The following PARD3B variants were observed in gnomAD, a reference collection of about 807,000 sequenced individuals.
PARD3B encodes the protein par-3 family cell polarity regulator beta.
Under a neutral mutation model 130.2 loss-of-function variants are expected in PARD3B, and 103 were observed. The observed-to-expected ratio is 0.79, with a 90% CI of 0.67 to 0.93. The LOEUF is 0.93. Ranked by LOEUF, PARD3B falls within the 40% of genes least tolerant of loss-of-function variation. PARD3B has a pLI of 0.00. For missense variants in PARD3B, 1,609 were observed against 1,499.2 expected (o/e 1.07, Z -1.21); for synonymous variants, 583 against 553.2 (o/e 1.05, Z -0.76).
intron 15 of PARD3B, among the ~76,000 whole-genome samples, chr2:205,211,402 T>A (rs112943655): frequency 1.3e-5 from 2 of 152,234 alleles, no homozygotes; most frequent in African/African-American, 4.8e-5. Context: ...GCACTGTCTA[T>A]GCCAGGTAAT....
intron 18 of PARD3B, among the ~76,000 whole-genome samples, chr2:205,336,459 T>C (rs933225274): frequency 7.2e-5 from 11 of 152,354 alleles, no homozygotes; most frequent in African/African-American, 2.6e-4. Flanking sequence ...TCCTCTTTCC[T>C]TCTCTTCATT....
chr2:205,250,160 C>G (rs1277105399), intron 16 of PARD3B, among the ~76,000 whole-genome samples: 2 of 151,648 alleles, frequency 1.3e-5, no homozygotes, highest in East Asian at 3.9e-4. Context: ...AATGACACTT[C>G]AACCAATAGT....
chr2:204,563,621 T>C (rs1051095751), intron 1 of PARD3B, among the ~76,000 whole-genome samples: 10 of 152,224 alleles, frequency 6.6e-5, no homozygotes, highest in African/African-American at 2.4e-4. Flanking sequence ...TTATTGAGAA[T>C]TGAAGGTTAT....
At chr2:205,150,040 G>A (rs150693750) in intron 10 of PARD3B, among the ~76,000 whole-genome samples, 74 of 152,318 alleles carry the variant, frequency 4.9e-4, no homozygotes, top group Non-Finnish European at 8.7e-4. Context: ...CCCTGGGCAG[G>A]TGCTGGGCAT....
At chr2:204,861,417 A>G (rs2045198646) in intron 2 of PARD3B, among the ~76,000 whole-genome samples, 1 of 152,168 alleles carries the variant, frequency 6.6e-6, no homozygotes, top group Non-Finnish European at 1.5e-5. Flanking sequence ...GTATTACTTG[A>G]GGTAGAAAAA....
At chr2:205,456,894 A>G (rs764621344) in intron 20 of PARD3B, among the ~76,000 whole-genome samples, 5 of 149,890 alleles carry the variant, frequency 3.3e-5, no homozygotes, top group Admixed American at 6.7e-5. Flanking sequence ...TGAATAATCA[A>G]TTTAATATTG....
intron 2 of PARD3B, among the ~76,000 whole-genome samples, chr2:204,789,207 C>A (rs181920310): frequency 2.8e-3 from 419 of 152,146 alleles, no homozygotes; most frequent in African/African-American, 9.7e-3. Context: ...TAGGTGTGCA[C>A]CACCATGACT....
At chr2:204,660,030 T>A (rs953701557) in intron 1 of PARD3B, among the ~76,000 whole-genome samples, 1 of 152,170 alleles carries the variant, frequency 6.6e-6, no homozygotes, top group Non-Finnish European at 1.5e-5. Flanking sequence ...CTACAGATAA[T>A]TCACCTCAAC....
chr2:204,953,554 C>T (rs1353535383), intron 2 of PARD3B, among the ~76,000 whole-genome samples: 1 of 152,026 alleles, frequency 6.6e-6, no homozygotes, highest in Admixed American at 6.6e-5. Context: ...ACTACAGACA[C>T]AATTTGCTGG....
chr2:205,474,280 C>T (rs1360113868), intron 20 of PARD3B, among the ~76,000 whole-genome samples: 9 of 151,994 alleles, frequency 5.9e-5, no homozygotes, highest in Admixed American at 2.0e-4. Flanking sequence ...AATTATTCCA[C>T]GATTTAATTG....
At chr2:205,103,617 T>A in intron 4 of PARD3B, 5 of 726,726 alleles carry the variant, frequency 6.9e-6, no homozygotes, top group Non-Finnish European at 8.4e-6. Flanking sequence ...GGAGTCCACG[T>A]GTAACAATAG....
At chr2:204,873,696 G>A (rs981054286) in intron 2 of PARD3B, among the ~76,000 whole-genome samples, 15 of 152,162 alleles carry the variant, frequency 9.9e-5, no homozygotes, top group African/African-American at 3.6e-4. Context: ...AAACAGCCCT[G>A]GGTAGGTTGA....
chr2:205,607,871 C>CTT (rs2055069982), intron 22 of PARD3B, among the ~76,000 whole-genome samples: 2 of 150,816 alleles, frequency 1.3e-5, no homozygotes, highest in Non-Finnish European at 3.0e-5. Flanking sequence ...CACACACACA[C>CTT]ACACACACAG....
chr2:204,886,572 A>G (rs1324207393), intron 2 of PARD3B, among the ~76,000 whole-genome samples: 1 of 152,240 alleles, frequency 6.6e-6, no homozygotes, highest in Non-Finnish European at 1.5e-5. Context: ...GTTTTTAACA[A>G]AGGAAAATAC....
chr2:204,682,386 A>C (rs1455759730), intron 1 of PARD3B, among the ~76,000 whole-genome samples: 1 of 152,180 alleles, frequency 6.6e-6, no homozygotes. Context: ...TAACTGTTTT[A>C]TGAGGCATTT....
chr2:205,614,391 T>C (rs921785787), intron 22 of PARD3B, among the ~76,000 whole-genome samples: 30 of 152,266 alleles, frequency 2.0e-4, no homozygotes, highest in African/African-American at 7.2e-4. Context: ...TGTGGTAGAG[T>C]TGATTACTTT....
intron 2 of PARD3B, among the ~76,000 whole-genome samples, chr2:204,708,694 A>G (rs1245378112): frequency 3.3e-5 from 5 of 152,194 alleles, no homozygotes; most frequent in African/African-American, 7.2e-5. Context: ...TTCTTCTCAT[A>G]GAATTGTACC....
In PARD3B at chr2:205,470,048, A is replaced by G. The variant is rs2048771569; in HGVS notation, c.3044+29376A>G. On this transcript the variant is annotated intron_variant, in intron 20 of 22. Coordinates refer to ENST00000406610, the MANE Select transcript of PARD3B (RefSeq NM_001302769.2). The surrounding 1 kb of genome is among the most constrained non-coding windows in gnomAD (Gnocchi z 4.8). ...CTTTTTGGCCTCTCTCCTGCTTTCC[A>G]TTGATGGAGATGTCAGGTGAGTCAC... Among the ~76,000 whole-genome samples the G allele has an allele frequency of 6.6e-6, 1 of 152,108 alleles. No individual in the cohort carries two copies. The highest frequency in any genetic ancestry group is 2.1e-4 in the South Asian group (1 of 4,822).
intron 6 of PARD3B, among the ~76,000 whole-genome samples, chr2:205,113,866 A>G (rs912824737): frequency 6.6e-6 from 1 of 152,178 alleles, no homozygotes; most frequent in Admixed American, 6.6e-5. Flanking sequence ...ATCCTTGGCA[A>G]AGATGTTAAC....
Sources: allele counts gnomAD v4.1 joint callset (sites outside exome capture counted in the v4.1 genomes callset), GRCh38; gene constraint gnomAD v4.1.1; non-coding constraint Gnocchi (gnomAD v3.1); transcripts MANE v1.5; gene names NCBI Gene and HGNC (gene_info 2026-07-23, HGNC 2026-07-21).